The following RABGAP1L variants were observed in gnomAD, a reference collection of about 807,000 sequenced individuals.
RABGAP1L encodes the protein RAB GTPase activating protein 1 like.
Under a neutral mutation model 137.7 loss-of-function variants are expected in RABGAP1L, and 63 were observed. That is an observed-to-expected ratio of 0.46 (90% CI 0.37 to 0.56). The LOEUF (loss-of-function observed/expected upper bound fraction) is 0.56, where lower values mean the gene tolerates loss of function less well. Ranked by LOEUF, RABGAP1L falls within the 20% of genes least tolerant of loss-of-function variation. The probability of loss-of-function intolerance (pLI) is 0.00; values close to 1 mark genes in which losing one functional copy is unlikely to be tolerated. For synonymous variants in RABGAP1L, 431 were observed against 433.7 expected, an observed-to-expected ratio of 0.99 and a Z score of 0.08; for missense variants, 1,095 against 1,244.0, an observed-to-expected ratio of 0.88 and a Z score of 1.80.
At chr1:174,185,319 G>A (rs992263140) in intron 1 of RABGAP1L, among the ~76,000 whole-genome samples, 4 of 152,186 alleles carry the variant, frequency 2.6e-5, no homozygotes, top group African/African-American at 9.7e-5. Flanking sequence ...AACTGAGGTG[G>A]AGAAAAGTGT....
At chr1:174,190,908 ATTG>A (rs1667165391) in intron 1 of RABGAP1L, among the ~76,000 whole-genome samples, 1 of 152,164 alleles carries the variant, frequency 6.6e-6, no homozygotes, top group African/African-American at 2.4e-5. Context: ...TATTTTCAAT[ATTG>A]TTGTGTTTCA....
At chr1:174,298,038 A>G in intron 10 of RABGAP1L, among the ~76,000 whole-genome samples, 1 of 152,014 alleles carries the variant, frequency 6.6e-6, no homozygotes, top group East Asian at 1.9e-4. Flanking sequence ...AAGAGAGGAC[A>G]GAGGAGAAAA....
At chr1:174,325,954 G>A (rs1680403635) in intron 11 of RABGAP1L, among the ~76,000 whole-genome samples, 1 of 152,192 alleles carries the variant, frequency 6.6e-6, no homozygotes, top group Admixed American at 6.5e-5. Context: ...CCTTCCGTGG[G>A]TCTATCCTTT....
At chr1:174,197,341 C>G (rs1002680488) in intron 1 of RABGAP1L, among the ~76,000 whole-genome samples, 1 of 152,056 alleles carries the variant, frequency 6.6e-6, no homozygotes, top group Non-Finnish European at 1.5e-5. Context: ...TTGTCAATAT[C>G]CCAAAGGGCT....
chr1:174,323,516 A>C (rs1680192431), intron 11 of RABGAP1L, among the ~76,000 whole-genome samples: 1 of 152,048 alleles, frequency 6.6e-6, no homozygotes, highest in Non-Finnish European at 1.5e-5. Flanking sequence ...AATATTCTGG[A>C]TCTGTCTGAA....
At chr1:174,705,669 G>A (rs1167870162) in intron 17 of RABGAP1L, 2 of 152,034 alleles carry the variant, frequency 1.3e-5, no homozygotes, top group African/African-American at 4.8e-5. Context: ...GTGTGCCTCA[G>A]GATATTTATT....
intron 13 of RABGAP1L, among the ~76,000 whole-genome samples, chr1:174,539,076 G>A (rs1167499197): frequency 6.6e-6 from 1 of 151,982 alleles, no homozygotes; most frequent in East Asian, 1.9e-4. Flanking sequence ...TTATCATTCA[G>A]AATAATAAGA....
intron 18 of RABGAP1L, among the ~76,000 whole-genome samples, chr1:174,781,679 CTATGGTTTT>C (rs1687019959): frequency 6.6e-6 from 1 of 152,104 alleles, no homozygotes; most frequent in Non-Finnish European, 1.5e-5. Context: ...AGGTTTTCTT[CTATGGTTTT>C]TATGGTTTTA....
chr1:174,534,787 AAAAAAAAAAAAAAAAAAT>A (rs1664761642), intron 13 of RABGAP1L, among the ~76,000 whole-genome samples: 1 of 150,490 alleles, frequency 6.6e-6, no homozygotes, highest in East Asian at 1.9e-4. Flanking sequence ...AAAAAAAAAA[AAAAAAAAAAAAAAAAAAT>A]AATTAGAATA....
chr1:174,283,999 C>T (rs1036050118), intron 10 of RABGAP1L, among the ~76,000 whole-genome samples: 6 of 152,114 alleles, frequency 3.9e-5, no homozygotes, highest in South Asian at 4.1e-4. Flanking sequence ...ATTGAAAAAA[C>T]GGAATAGACT....
intron 3 of RABGAP1L, among the ~76,000 whole-genome samples, chr1:174,226,861 G>A (rs1301639334): frequency 6.6e-6 from 1 of 151,614 alleles, no homozygotes; most frequent in Non-Finnish European, 1.5e-5. Flanking sequence ...AACAATCTCA[G>A]TCTTTTAGTT....
intron 13 of RABGAP1L, among the ~76,000 whole-genome samples, chr1:174,618,582 C>A (rs1182544606): frequency 2.0e-5 from 3 of 152,210 alleles, no homozygotes; most frequent in Non-Finnish European, 4.4e-5. Context: ...GCTGAGGGTC[C>A]TGACTGTTAG....
intron 13 of RABGAP1L, among the ~76,000 whole-genome samples, chr1:174,503,204 G>A (rs1193110915): frequency 6.6e-6 from 1 of 152,164 alleles, no homozygotes; most frequent in African/African-American, 2.4e-5. Flanking sequence ...AGCTACTCCT[G>A]TTTATTTACA....
intron 14 of RABGAP1L, among the ~76,000 whole-genome samples, chr1:174,653,855 C>T (rs1467293673): frequency 6.6e-6 from 1 of 152,146 alleles, no homozygotes; most frequent in African/African-American, 2.4e-5. Flanking sequence ...GTACTAGTAA[C>T]ATTGTGTCAA....
At chr1:174,719,828 A>G (rs888617725) in intron 17 of RABGAP1L, among the ~76,000 whole-genome samples, 7 of 152,212 alleles carry the variant, frequency 4.6e-5, no homozygotes, top group African/African-American at 1.7e-4. Flanking sequence ...TTTGGTTGGG[A>G]TTTTTGGAGG....
chr1:174,720,603 A>G (rs1053136277), intron 17 of RABGAP1L, among the ~76,000 whole-genome samples: 1 of 152,106 alleles, frequency 6.6e-6, no homozygotes, highest in Non-Finnish European at 1.5e-5. Flanking sequence ...GGCTTGAGCC[A>G]CCGGTCCCGG....
chr1:174,547,226 T>C (rs1366900227), intron 13 of RABGAP1L, among the ~76,000 whole-genome samples: 1 of 152,070 alleles, frequency 6.6e-6, no homozygotes, highest in Admixed American at 6.6e-5. Context: ...GGGGTATAAT[T>C]ATAGTAGCCT....
chr1:174,719,531 T>G (rs971667959), intron 17 of RABGAP1L, among the ~76,000 whole-genome samples: 1 of 152,088 alleles, frequency 6.6e-6, no homozygotes, highest in Non-Finnish European at 1.5e-5. Context: ...CTTGAAAAAA[T>G]TGGTTGTTGG....
chr1:174,203,148 T>G (rs932083288), intron 1 of RABGAP1L, among the ~76,000 whole-genome samples: 4 of 152,242 alleles, frequency 2.6e-5, no homozygotes, highest in African/African-American at 9.6e-5. Flanking sequence ...GTTTTACACT[T>G]AAGTCTTTAG....
Sources: gnomAD v4.1 joint callset for allele counts (sites outside exome capture counted in the v4.1 genomes callset) on GRCh38, gnomAD v4.1.1 for gene constraint, MANE v1.5 for transcripts, NCBI Gene and HGNC (gene_info 2026-07-23, HGNC 2026-07-21) for gene names.